The following GGT5 variants were observed in gnomAD, a reference collection of about 807,000 sequenced individuals.
The protein encoded by GGT5 is glutathione hydrolase 5 proenzyme.
In GGT5, 50 loss-of-function variants were observed where a neutral mutation model predicts 58.1. The ratio of observed to expected loss-of-function variants is 0.86; its 90% CI spans 0.69 to 1.09. The LOEUF (loss-of-function observed/expected upper bound fraction) is 1.09, where lower values mean the gene tolerates loss of function less well. GGT5 is among the 50% of genes least tolerant of loss of function. The pLI is 0.00. For missense variants in GGT5, 800 were observed against 789.4 expected, an observed-to-expected ratio of 1.01 and a Z score of -0.16; for synonymous variants, 370 against 346.1, an observed-to-expected ratio of 1.07 and a Z score of -0.77.
intron 2 of GGT5, 84 bp from the exon 3 acceptor site, chr22:24,233,677 AT>A (rs2148920718): frequency 4.5e-6 from 4 of 896,730 alleles, no homozygotes; most frequent in East Asian, 2.6e-5. Context: ...CCATCTCTGC[AT>A]TATGAGATGG....
intron 1 of GGT5, chr22:24,241,262 G>A (rs570954935): frequency 2.6e-4 from 39 of 152,054 alleles, no homozygotes; most frequent in Non-Finnish European, 5.1e-4. Context: ...TAAACCAATA[G>A]GTTATACATA....
At chr22:24,236,220 C>G (rs1043528002) in intron 1 of GGT5, among the ~76,000 whole-genome samples, 2 of 152,208 alleles carry the variant, frequency 1.3e-5, no homozygotes, top group African/African-American at 2.4e-5. Context: ...AATGGCTCCT[C>G]TCCTAGTCCT....
At chr22:24,233,439 G>A (rs188250059) in intron 3 of GGT5, 59 bp downstream of exon 3, 38 of 951,692 alleles carry the variant, frequency 4.0e-5, no homozygotes, top group Admixed American at 1.5e-4. Context: ...TTGCGGGGGT[G>A]TTCTGATTAG....
In GGT5 at chr22:24,233,531, C is replaced by G. The variant is rs755062456; in HGVS notation, c.367G>C (p.Asp123His). Reference sequence around the variant, plus strand: ...AGTGGCAGAGCCTGTGCACACTGGTCCAGCAGGCTCGGGGCGTGGCTGGCC... The same window carrying G: ...AGTGGCAGAGCCTGTGCACACTGGTGCAGCAGGCTCGGGGCGTGGCTGGCC... ...VPASHAPSLLDQCAQALPLGT... is the reference protein window; with the variant it reads ...VPASHAPSLLHQCAQALPLGT... The change falls in exon 3 of 12, where the codon GAC (aspartate) becomes CAC (histidine). Residue 123 changes from aspartate (D) to histidine (H), a missense_variant. By Grantham distance (81) the Asp-to-His change is moderately conservative. Transcript: ENST00000327365. 14 of 1,608,902 alleles carry G rather than the reference C, an allele frequency of 8.7e-6. No individual in the cohort carries two copies. The South Asian group carries it at 1.5e-4, about 18-fold the overall frequency.
intron 1 of GGT5, chr22:24,243,262 G>A (rs896838010): frequency 6.6e-6 from 1 of 152,278 alleles, no homozygotes; most frequent in African/African-American, 2.4e-5. Flanking sequence ...ACAGCCTGGG[G>A]TGGCGGCTGG....
chr22:24,225,925 G>T, intron 8 of GGT5, 151 bp downstream of exon 8: 1 of 646,084 alleles, frequency 1.5e-6, no homozygotes, highest in Non-Finnish European at 2.6e-6. Context: ...GAGATGTCAG[G>T]GGTGGGGGCC....
chr22:24,244,418 A>G (rs2048414623), intron 1 of GGT5, 135 bp downstream of exon 1: 2 of 753,934 alleles, frequency 2.7e-6, no homozygotes, highest in East Asian at 2.5e-5. Flanking sequence ...CCACACATGC[A>G]TGCAATCACA....
intron 6 of GGT5, among the ~76,000 whole-genome samples, chr22:24,227,757 G>A (rs1257400509): frequency 1.3e-5 from 2 of 151,374 alleles, no homozygotes; most frequent in Middle Eastern, 3.2e-3. Flanking sequence ...AAGAGGCTGT[G>A]AAAATTTTCA....
chr22:24,238,847 T>A lies in GGT5; in HGVS notation c.174-4843A>T, dbSNP rs866990858. Among the ~76,000 whole-genome samples the A allele has an allele frequency of 5.9e-3, 67 of 11,426 alleles. 8 individuals carry two copies. Among genetic ancestry groups the A allele is most frequent in the Middle Eastern group, 0.062 (1 of 16 alleles). 7.5% of individuals were successfully genotyped at this position (11,426 alleles called of 152,430 possible). On this transcript the variant is annotated intron_variant, in intron 1 of 11. Coordinates refer to ENST00000327365, the MANE Select transcript of GGT5 (RefSeq NM_004121.5). Reference sequence around the variant, plus strand: ...TATATATATATTTATATATATATATTATATATATTATATATATAATATATA... The same window carrying A: ...TATATATATATTTATATATATATATAATATATATTATATATATAATATATA...
At position 24,244,797 on chromosome 22, in the gene GGT5, G is replaced by T; in HGVS notation, c.-72C>A. ...GGACGGATGGGTGGGCAGATGAATG[G>T]ACAAGAAGATGCACAGAGTCACAGG... On this transcript the variant is annotated 5_prime_UTR_variant, in exon 1 of 12. Coordinates refer to ENST00000327365, the MANE Select transcript of GGT5 (RefSeq NM_004121.5). 1.3e-6 allele frequency: 2 copies of T among 1,509,774 alleles called. No individual in the cohort carries two copies. Among genetic ancestry groups the T allele is most frequent in the South Asian group, 1.3e-5 (1 of 79,994 alleles). The allele number at this position is 1,509,774 out of a possible 1,614,324, so 93.5% of individuals were successfully genotyped here. A position where few individuals can be genotyped will look rare whatever the true frequency, so the allele number is the denominator to read the frequency against.
intron 5 of GGT5, 70 bp downstream of exon 5, chr22:24,231,970 GAGCCTGCCCTC>G: frequency 8.3e-7 from 1 of 1,207,512 alleles, no homozygotes; most frequent in Non-Finnish European, 1.2e-6. Context: ...GCCTGGGAAG[GAGCCTGCCCTC>G]AACCCCCAGT....
At chr22:24,231,339 T>TGGGGGGGGGGGGGGGGGGGG in intron 6 of GGT5, 45 bp downstream of exon 6, 1 of 949,792 alleles carries the variant, frequency 1.1e-6, no homozygotes. Context: ...GGGCCGGGGG[T>TGGGGGGGGGGGGGGGGGGGG]GCGGGGGAGG....
At position 24,232,899 on chromosome 22, in the gene GGT5, G is replaced by GC; in HGVS notation, c.519dup (p.His174AlafsTer140). On this transcript the variant is annotated frameshift_variant, in exon 4 of 12. Transcript: ENST00000327365. LOFTEE classifies it high-confidence loss of function. Reference sequence around the variant, plus strand: ...CGGCTGAGGACAGGGGCCACCACATGCCCCCCTCGGAGCAGCGCGATGGTG... The same window carrying GC: ...CGGCTGAGGACAGGGGCCACCACATGCCCCCCCTCGGAGCAGCGCGATGGTG... 8 of 1,584,062 alleles carry GC rather than the reference G, an allele frequency of 5.1e-6. No individual in the cohort carries two copies. The highest frequency in any genetic ancestry group is 6.0e-6 in the Non-Finnish European group (7 of 1,164,646).
rs369042526 is a variant in GGT5, at chr22:24,219,937, G to A, written c.*33C>T. ...CGGCCTGGACACAGGACTCATGGTG[G>A]GGCCAGACTTCAGCTCTGGGCAGAG... On this transcript the variant is annotated 3_prime_UTR_variant, in exon 12 of 12. Transcript: ENST00000327365. 1.2e-6 allele frequency: 2 copies of A among 1,608,254 alleles called. No individual in the cohort carries two copies. The highest frequency in any genetic ancestry group is 1.7e-6 in the Non-Finnish European group (2 of 1,175,576).
At chr22:24,220,315 A>C (rs2047552237) in intron 11 of GGT5, among the ~76,000 whole-genome samples, 199 bp from the exon 12 acceptor site, 1 of 152,226 alleles carries the variant, frequency 6.6e-6, no homozygotes, top group Non-Finnish European at 1.5e-5. Context: ...CTCAGCCTCC[A>C]GGGACTATGT....
chr22:24,242,858 G>A (rs1298626988), intron 1 of GGT5: 2 of 152,404 alleles, frequency 1.3e-5, no homozygotes, highest in East Asian at 3.9e-4. Flanking sequence ...CAGCAGCTGG[G>A]GCCAGCCCCA....
intron 1 of GGT5, chr22:24,244,201 G>A (rs2048400705): frequency 3.8e-6 from 1 of 263,954 alleles, no homozygotes; most frequent in Non-Finnish European, 7.4e-6. Context: ...CACCTGTTCT[G>A]TGCAAGGGCC....
rs1231443668 is a variant in GGT5, at chr22:24,225,069, C to T, written c.1541G>A (p.Arg514Lys). 4.4e-6 allele frequency: 7 copies of T among 1,601,236 alleles called. No individual in the cohort carries two copies. Among genetic ancestry groups the T allele is most frequent in the Admixed American group, 1.7e-5 (1 of 58,038 alleles). Residue 514 changes from arginine (R) to lysine (K), a missense_variant, in exon 11 of 12, where the codon AGA becomes AAA. Coordinates refer to ENST00000327365, the MANE Select transcript of GGT5 (RefSeq NM_004121.5). Reference protein sequence around the residue: ...MSKLWLGFDLRAAIAAPILHV... With the variant: ...MSKLWLGFDLKAAIAAPILHV... ...CAGGATGGGGGCTGCAATGGCCGCT[C>T]TCAGGTCAAAGCCAAGCCACAGCTT... is the stretch of plus-strand genomic sequence containing the variant.
At chr22:24,243,124 C>G (rs1466252085) in intron 1 of GGT5, 1 of 152,254 alleles carries the variant, frequency 6.6e-6, no homozygotes, top group African/African-American at 2.4e-5. Context: ...CAGCAGGTCC[C>G]CACTCCCAAA....
Sources: gnomAD v4.1 joint callset for allele counts (sites outside exome capture counted in the v4.1 genomes callset) on GRCh38, gnomAD v4.1.1 for gene constraint, MANE v1.5 for transcripts, NCBI Gene and HGNC (gene_info 2026-07-23, HGNC 2026-07-21) for gene names.